The following NOS1AP variants were observed in gnomAD, a reference collection of about 807,000 sequenced individuals.
NOS1AP encodes carboxyl-terminal PDZ ligand of neuronal nitric oxide synthase protein.
Under a neutral mutation model 56.2 loss-of-function variants are expected in NOS1AP, and 21 were observed. The ratio of observed to expected loss-of-function variants is 0.37; its 90% confidence interval spans 0.26 to 0.54. NOS1AP has a LOEUF of 0.54. Among genes scored for constraint, NOS1AP ranks in the 20% least tolerant of loss-of-function variants. NOS1AP has a pLI of 0.84. For missense variants in NOS1AP, 522 were observed against 657.8 expected (o/e 0.79, Z 2.26); for synonymous variants, 270 against 274.6 (o/e 0.98, Z 0.17).
intron 2 of NOS1AP, among the ~76,000 whole-genome samples, chr1:162,222,703 T>C (rs977146271): frequency 6.6e-6 from 1 of 152,232 alleles, no homozygotes; most frequent in Non-Finnish European, 1.5e-5. Flanking sequence ...GGTTATGAAG[T>C]TGTACTATAT....
intron 2 of NOS1AP, among the ~76,000 whole-genome samples, chr1:162,193,768 T>C (rs531363825): frequency 6.6e-6 from 1 of 152,310 alleles, no homozygotes; most frequent in South Asian, 2.1e-4. Context: ...TTCCTATTTC[T>C]TCCTGACCCT....
intron 2 of NOS1AP, among the ~76,000 whole-genome samples, chr1:162,170,690 G>C (rs779692960): frequency 6.6e-6 from 1 of 152,164 alleles, no homozygotes; most frequent in Non-Finnish European, 1.5e-5. Context: ...ACCTTGGGAG[G>C]CTGAGGCATG....
intron 4 of NOS1AP, among the ~76,000 whole-genome samples, chr1:162,323,320 G>A (rs1463262687): frequency 6.6e-6 from 1 of 152,232 alleles, no homozygotes; most frequent in East Asian, 1.9e-4. Flanking sequence ...AGAGCCTCTA[G>A]AAGGAATCAG....
intron 2 of NOS1AP, among the ~76,000 whole-genome samples, chr1:162,257,648 CA>C (rs548538740): frequency 1.4e-3 from 174 of 128,368 alleles, no homozygotes; most frequent in Non-Finnish European, 1.2e-3. Context: ...GACTCCATCT[CA>C]AAAAAAAAAA....
At chr1:162,244,081 G>GT (rs1302888973) in intron 2 of NOS1AP, among the ~76,000 whole-genome samples, 1 of 152,188 alleles carries the variant, frequency 6.6e-6, no homozygotes, top group Non-Finnish European at 1.5e-5. Flanking sequence ...GGGCCTTAAA[G>GT]TATTTTTACC....
At chr1:162,157,131 C>T (rs927623403) in intron 2 of NOS1AP, 1 of 154,464 alleles carries the variant, frequency 6.5e-6, no homozygotes, top group Non-Finnish European at 1.5e-5. Context: ...GATCTGGAGG[C>T]ATCTGGGGTT....
intron 2 of NOS1AP, among the ~76,000 whole-genome samples, chr1:162,263,885 T>G (rs1011029065): frequency 1.3e-5 from 2 of 152,166 alleles, no homozygotes. Context: ...TTCACAAACC[T>G]CAGAAACCTC....
chr1:162,090,691 T>C (rs542442132), intron 1 of NOS1AP, among the ~76,000 whole-genome samples: 1 of 152,196 alleles, frequency 6.6e-6, no homozygotes, highest in Non-Finnish European at 1.5e-5. Context: ...TTATTTTTTC[T>C]TATATTTCTT....
At chr1:162,365,305 G>A (rs1489016752) in intron 8 of NOS1AP, 99 bp from the exon 9 acceptor site, 1 of 1,591,236 alleles carries the variant, frequency 6.3e-7, no homozygotes, top group Non-Finnish European at 8.6e-7. Flanking sequence ...AATGTGGAGG[G>A]CATCTCTGGT....
At chr1:162,300,746 C>T (rs1655623059) in intron 4 of NOS1AP, 40 bp downstream of exon 4, 8 of 1,572,026 alleles carry the variant, frequency 5.1e-6, no homozygotes, top group Non-Finnish European at 7.0e-6. Context: ...CACTGAGCCC[C>T]AGAGTCCTCC....
At position 162,251,866 on chromosome 1, in the gene NOS1AP, T is replaced by TG. The variant is rs1203715244; in HGVS notation, c.178-35478_178-35477insG. Among the ~76,000 whole-genome samples, 34 of 96,710 alleles carry TG rather than the reference T, an allele frequency of 3.5e-4. No individual in the cohort carries two copies. The East Asian group carries it at 4.7e-3, about 14-fold the overall frequency. The allele number at this position is 96,710 out of a possible 152,430, so 63.4% of individuals were successfully genotyped here. ...CAACACCTAGCTAGTTGTTTTTTTTTTTGTTTTTTTTTTTTTTTTTTTTGT... is the reference window on the plus strand; with the variant it reads ...CAACACCTAGCTAGTTGTTTTTTTTTGTTGTTTTTTTTTTTTTTTTTTTTGT... On this transcript the variant is annotated intron_variant, in intron 2 of 9. Transcript: ENST00000361897.
intron 1 of NOS1AP, among the ~76,000 whole-genome samples, chr1:162,119,115 GTTTTTC>G (rs1245843197): frequency 1.3e-5 from 2 of 152,094 alleles, no homozygotes; most frequent in African/African-American, 4.8e-5. Context: ...CTCATAGAAT[GTTTTTC>G]TTTTTAAGAA....
At position 162,070,105 on chromosome 1, in the gene NOS1AP, C is replaced by T; in HGVS notation, c.-73C>T. 1 of 1,246,870 alleles carries T rather than the reference C, an allele frequency of 8.0e-7. No homozygotes were observed. Among genetic ancestry groups the T allele is most frequent in the Non-Finnish European group, 1.2e-6 (1 of 851,440 alleles). 77.2% of individuals were successfully genotyped at this position (1,246,870 alleles called of 1,614,324 possible). A position where few individuals can be genotyped will look rare whatever the true frequency, so the allele number is the denominator to read the frequency against. The stretch of plus-strand genomic sequence containing the variant: ...GCGTCGCCGCGCCCAGCTCCAGTCT[C>T]CCCTCCCCGGGGTCTCGCCAGCCCC... On this transcript the variant is annotated 5_prime_UTR_variant, in exon 1 of 10. Transcript: ENST00000361897.
chr1:162,080,314 C>T (rs1419739845), intron 1 of NOS1AP, among the ~76,000 whole-genome samples: 1 of 152,000 alleles, frequency 6.6e-6, no homozygotes, highest in Non-Finnish European at 1.5e-5. Flanking sequence ...AAAACTAACC[C>T]CTGTTAGTTT....
At chr1:162,204,293 T>C (rs1258998188) in intron 2 of NOS1AP, among the ~76,000 whole-genome samples, 1 of 152,228 alleles carries the variant, frequency 6.6e-6, no homozygotes, top group African/African-American at 2.4e-5. Flanking sequence ...GCCTTCTCAT[T>C]TCTCCACGAT....
At chr1:162,303,904 C>CTTTT (rs35658165) in intron 4 of NOS1AP, among the ~76,000 whole-genome samples, 9 of 110,702 alleles carry the variant, frequency 8.1e-5, no homozygotes, top group South Asian at 2.9e-4. Context: ...TCTGGCTTGT[C>CTTTT]TTTTTTTTTT....
chr1:162,147,433 T>C (rs72715906), intron 1 of NOS1AP, among the ~76,000 whole-genome samples: 4,717 of 151,826 alleles, frequency 0.031, 154 homozygotes, highest in African/African-American at 0.081. Flanking sequence ...AAGAAGGTGA[T>C]GGTGATGGCA....
chr1:162,136,998 G>A lies in NOS1AP; in HGVS notation c.106-17407G>A, dbSNP rs1254163876. On this transcript the variant is annotated intron_variant, in intron 1 of 9. Transcript: ENST00000361897. ...AAAGCACCTCGGACTTGCTCATGAA[G>A]ATTCTGAGATCCTCGTCAACTTGGT... Among the ~76,000 whole-genome samples the A allele has an allele frequency of 2.0e-5, 3 of 152,156 alleles. No individual in the cohort carries two copies. In the East Asian group the frequency reaches 5.8e-4, roughly 29 times the overall value.
At chr1:162,112,965 A>G in intron 1 of NOS1AP, among the ~76,000 whole-genome samples, 1 of 152,244 alleles carries the variant, frequency 6.6e-6, no homozygotes, top group East Asian at 1.9e-4. Flanking sequence ...ATTTCCCTCT[A>G]AAGCTTCTGA....
Sources: allele counts gnomAD v4.1 joint callset (sites outside exome capture counted in the v4.1 genomes callset), GRCh38; gene constraint gnomAD v4.1.1; transcripts MANE v1.5; gene names NCBI Gene and HGNC (gene_info 2026-07-23, HGNC 2026-07-21).